Variants in FHIT observed in about 807,000 individuals in gnomAD.
FHIT encodes the protein bis(5'-adenosyl)-triphosphatase.
FHIT carries 19 observed loss-of-function variants against 17.9 expected under a neutral mutation model. That is an observed-to-expected ratio of 1.06 (90% CI 0.74 to 1.56). The LOEUF is 1.56. Ranked by LOEUF, FHIT falls within the 40% of genes most tolerant of loss-of-function variation. The pLI is 0.00. For missense variants in FHIT, 248 were observed against 189.2 expected, an observed-to-expected ratio of 1.31 and a Z score of -1.82; for synonymous variants, 81 against 69.7, an observed-to-expected ratio of 1.16 and a Z score of -0.81.
At chr3:60,409,901 T>C (rs1296059653) in intron 5 of FHIT, among the ~76,000 whole-genome samples, 1 of 152,202 alleles carries the variant, frequency 6.6e-6, no homozygotes, top group Non-Finnish European at 1.5e-5. Flanking sequence ...AAAAACCAGA[T>C]ATGCATTCCA....
intron 3 of FHIT, among the ~76,000 whole-genome samples, chr3:60,921,126 C>A (rs1209230798): frequency 2.6e-5 from 4 of 152,124 alleles, no homozygotes; most frequent in Non-Finnish European, 5.9e-5. Context: ...AGTGCTAAGA[C>A]TTGAAAGGCA....
chr3:60,041,469 C>T (rs1331868563), intron 5 of FHIT, among the ~76,000 whole-genome samples: 4 of 152,218 alleles, frequency 2.6e-5, no homozygotes, highest in African/African-American at 9.7e-5. Flanking sequence ...GGAATGAAGC[C>T]TTTCGAAGAA....
At position 61,120,714 on chromosome 3, in the gene FHIT, G is replaced by C. The variant is rs528761074; in HGVS notation, c.-163-78615C>G. Reference sequence around the variant, plus strand: ...TCCAAAGGATCACAACTCCTCCCCAGCAAGGGAACAAAACTGGACCAAGAA... The same window carrying C: ...TCCAAAGGATCACAACTCCTCCCCACCAAGGGAACAAAACTGGACCAAGAA... On this transcript the variant is annotated intron_variant, in intron 2 of 9. Transcript: ENST00000492590. 3.3e-5 allele frequency among the ~76,000 whole-genome samples: 5 copies of C among 152,148 alleles called. No individual in the cohort carries two copies. The East Asian group carries it at 9.7e-4, about 30-fold the overall frequency.
At chr3:60,495,620 G>C (rs1319310043) in intron 5 of FHIT, among the ~76,000 whole-genome samples, 6 of 151,480 alleles carry the variant, frequency 4.0e-5, no homozygotes, top group African/African-American at 1.5e-4. Flanking sequence ...TCATAACTGG[G>C]GATATCCAAC....
chr3:59,747,627 T>C lies in FHIT; in HGVS notation c.*1958A>G, dbSNP rs1700679874. On this transcript the variant is annotated 3_prime_UTR_variant, in exon 10 of 10. Transcript: ENST00000492590. ...TCTTTATTCTTATATAGGGCATCTC[T>C]GGATATAGGTGTTCACATTCTTCTT... Among the ~76,000 whole-genome samples the C allele has an allele frequency of 6.6e-6, 1 of 152,164 alleles. No homozygotes were observed. Among genetic ancestry groups the C allele is most frequent in the Non-Finnish European group, 1.5e-5 (1 of 68,024 alleles).
intron 5 of FHIT, among the ~76,000 whole-genome samples, chr3:60,475,691 A>G (rs990952504): frequency 3.9e-5 from 6 of 152,194 alleles, no homozygotes; most frequent in East Asian, 1.9e-4. Flanking sequence ...TCTTTCATGT[A>G]AATACAGGTT....
At chr3:59,774,853 T>G (rs1339481250) in intron 8 of FHIT, among the ~76,000 whole-genome samples, 1 of 152,202 alleles carries the variant, frequency 6.6e-6, no homozygotes. Flanking sequence ...GACTTGAATG[T>G]GGTTCTATCT....
At chr3:60,330,573 T>C (rs895790556) in intron 5 of FHIT, among the ~76,000 whole-genome samples, 6 of 152,198 alleles carry the variant, frequency 3.9e-5, no homozygotes, top group Non-Finnish European at 8.8e-5. Context: ...ATTTCAGGCA[T>C]CCAGATTGTT....
At chr3:60,838,105 T>C (rs2106848032) in intron 3 of FHIT, among the ~76,000 whole-genome samples, 1 of 152,354 alleles carries the variant, frequency 6.6e-6, no homozygotes, top group East Asian at 1.9e-4. Flanking sequence ...AGATAACTCT[T>C]TTCTTTTCTT....
chr3:60,846,400 T>C (rs953076562), intron 3 of FHIT, among the ~76,000 whole-genome samples: 8 of 152,326 alleles, frequency 5.3e-5, no homozygotes, highest in Middle Eastern at 3.4e-3. Context: ...CTAAATAACC[T>C]ATACACAAAT....
intron 7 of FHIT, among the ~76,000 whole-genome samples, chr3:59,969,588 A>G (rs1238304589): frequency 6.6e-6 from 1 of 152,116 alleles, no homozygotes; most frequent in African/African-American, 2.4e-5. Flanking sequence ...ACTAATGGGA[A>G]CAGTAACTGT....
Position 59,864,552 on chromosome 3 carries a change from G to A in FHIT, c.348+57794C>T, listed in dbSNP as rs775171182. The stretch of plus-strand genomic sequence containing the variant: ...ATACTTGTATTGTTTAAATATTGGC[G>A]CTCTTCATTCCTGCAGCATATCTAG... On this transcript the variant is annotated intron_variant, in intron 8 of 9. Coordinates refer to ENST00000492590, the MANE Select transcript of FHIT (RefSeq NM_002012.4). 5.3e-5 allele frequency among the ~76,000 whole-genome samples: 8 copies of A among 151,144 alleles called. No homozygotes were observed. The South Asian group carries it at 6.3e-4, about 12-fold the overall frequency.
chr3:59,851,426 C>A (rs966409405), intron 8 of FHIT, among the ~76,000 whole-genome samples: 2 of 152,080 alleles, frequency 1.3e-5, no homozygotes, highest in Non-Finnish European at 2.9e-5. Flanking sequence ...ATGCAAGGGA[C>A]CTATGTTTAT....
intron 4 of FHIT, among the ~76,000 whole-genome samples, chr3:60,777,313 T>C (rs1553724727): frequency 6.6e-6 from 1 of 152,216 alleles, no homozygotes; most frequent in African/African-American, 2.4e-5. Flanking sequence ...ATTTAAGAAA[T>C]GCATTGGTTT....
chr3:59,956,721 C>G (rs924889533), intron 7 of FHIT, among the ~76,000 whole-genome samples: 1 of 152,130 alleles, frequency 6.6e-6, no homozygotes, highest in African/African-American at 2.4e-5. Context: ...CTTTAATCAT[C>G]TGTAAAATGG....
chr3:60,862,535 T>C (rs1383463618), intron 3 of FHIT, among the ~76,000 whole-genome samples: 2 of 152,188 alleles, frequency 1.3e-5, no homozygotes, highest in African/African-American at 4.8e-5. Flanking sequence ...TAGGCAGACT[T>C]CTAAAGATGT....
intron 5 of FHIT, among the ~76,000 whole-genome samples, chr3:60,460,777 A>C (rs2032412543): frequency 6.6e-6 from 1 of 152,306 alleles, no homozygotes; most frequent in Non-Finnish European, 1.5e-5. Context: ...TCCAATAGTC[A>C]CTCTAAAATA....
intron 5 of FHIT, among the ~76,000 whole-genome samples, chr3:60,238,143 C>CAAAAAA (rs5849346): frequency 8.9e-6 from 1 of 111,814 alleles, no homozygotes; most frequent in Non-Finnish European, 1.7e-5. Context: ...GACTCCGTCT[C>CAAAAAA]AAAAAAAAAA....
At chr3:61,118,932 T>C (rs2036376569) in intron 2 of FHIT, among the ~76,000 whole-genome samples, 1 of 152,124 alleles carries the variant, frequency 6.6e-6, no homozygotes, top group Non-Finnish European at 1.5e-5. Flanking sequence ...TTGAGGGAGA[T>C]CAAATTTCAC....
Sources: allele counts gnomAD v4.1 joint callset (sites outside exome capture counted in the v4.1 genomes callset), GRCh38; gene constraint gnomAD v4.1.1; transcripts MANE v1.5; gene names NCBI Gene and HGNC (gene_info 2026-07-23, HGNC 2026-07-21).